The following MYO1B variants were observed in gnomAD, a reference collection of about 807,000 sequenced individuals.
MYO1B encodes unconventional myosin-Ib.
Under a neutral mutation model 159.7 loss-of-function variants are expected in MYO1B, and 72 were observed. The ratio of observed to expected loss-of-function variants is 0.45; its 90% CI spans 0.37 to 0.55. The LOEUF is 0.55. Among genes scored for constraint, MYO1B ranks in the 20% least tolerant of loss-of-function variants. The pLI, the probability that MYO1B is intolerant of heterozygous loss-of-function variation, is 0.00. For synonymous variants in MYO1B, 468 were observed against 473.8 expected, an observed-to-expected ratio of 0.99 and a Z score of 0.16; for missense variants, 1,062 against 1,364.8, an observed-to-expected ratio of 0.78 and a Z score of 3.50.
chr2:191,417,823 G>A (rs1373075313), intron 30 of MYO1B, among the ~76,000 whole-genome samples: 4 of 152,232 alleles, frequency 2.6e-5, no homozygotes, highest in African/African-American at 9.6e-5. Context: ...GCTTTGCGGG[G>A]ATAGCGTGTG....
intron 1 of MYO1B, among the ~76,000 whole-genome samples, chr2:191,267,925 C>T (rs1005160163): frequency 3.3e-5 from 5 of 152,156 alleles, no homozygotes; most frequent in African/African-American, 1.2e-4. Flanking sequence ...TGGAAACCGT[C>T]CTGGACAGAA....
At chr2:191,316,195 C>A (rs1478242382) in intron 3 of MYO1B, among the ~76,000 whole-genome samples, 1 of 152,164 alleles carries the variant, frequency 6.6e-6, no homozygotes, top group Non-Finnish European at 1.5e-5. Flanking sequence ...TTAGAGTACA[C>A]AATTTCCACT....
rs948591937 is a variant in MYO1B, at chr2:191,370,729, G to T, written c.1185+437G>T. On this transcript the variant is annotated intron_variant, in intron 13 of 30. Transcript: ENST00000392318. ...CATAAAGAAAGCCACAGGAGGGCTG[G>T]ACATAGGTTCTGGCCTTGCCAGGGC... 2.0e-5 allele frequency among the ~76,000 whole-genome samples: 3 copies of T among 152,254 alleles called. No individual in the cohort carries two copies. The South Asian group carries it at 6.2e-4, about 32-fold the overall frequency.
intron 2 of MYO1B, among the ~76,000 whole-genome samples, chr2:191,293,586 A>C (rs1353307269): frequency 6.6e-6 from 1 of 152,186 alleles, no homozygotes; most frequent in African/African-American, 2.4e-5. Context: ...CATATAGGGT[A>C]CCTTCCTGAT....
chr2:191,329,143 G>A (rs1691294325), intron 3 of MYO1B, among the ~76,000 whole-genome samples: 1 of 152,046 alleles, frequency 6.6e-6, no homozygotes, highest in Non-Finnish European at 1.5e-5. Flanking sequence ...TTTTCAATTA[G>A]CTAGAAGGGG....
Position 191,260,254 on chromosome 2 carries a change from C to CTTTTTTTTTTTTTTTT in MYO1B, c.-10+14641_-10+14642insTTTTTTTTTTTTTTTT, listed in dbSNP as rs57237733. 1.2e-3 allele frequency among the ~76,000 whole-genome samples: 71 copies of CTTTTTTTTTTTTTTTT among 60,980 alleles called. 3 individuals are homozygous for CTTTTTTTTTTTTTTTT. The highest frequency in any genetic ancestry group is 2.2e-3 in the African/African-American group (60 of 27,420). 40.0% of individuals were successfully genotyped at this position (60,980 alleles called of 152,430 possible). On this transcript the variant is annotated intron_variant, in intron 1 of 30. Transcript: ENST00000392318. ...TAATATTACTTTTTTCCCAGATAGG[C>CTTTTTTTTTTTTTTTT]TTTTTTTTTTTTTGAATTAAAGCTA...
At chr2:191,339,378 A>G (rs951375045) in intron 4 of MYO1B, among the ~76,000 whole-genome samples, 1 of 152,240 alleles carries the variant, frequency 6.6e-6, no homozygotes, top group Non-Finnish European at 1.5e-5. Context: ...GACAGCCTGA[A>G]TGGTGTAACA....
chr2:191,326,819 C>T (rs1167436382), intron 3 of MYO1B, among the ~76,000 whole-genome samples: 5 of 125,712 alleles, frequency 4.0e-5, no homozygotes, highest in East Asian at 2.7e-4. Context: ...TGTGTGTGCG[C>T]GCGCCATATA....
intron 1 of MYO1B, among the ~76,000 whole-genome samples, chr2:191,269,587 G>T (rs1311151796): frequency 1.3e-5 from 2 of 152,182 alleles, no homozygotes; most frequent in Admixed American, 1.3e-4. Flanking sequence ...GAATCATAAT[G>T]CTGGCTGAAA....
intron 20 of MYO1B, among the ~76,000 whole-genome samples, chr2:191,395,668 C>A (rs1023019567): frequency 6.6e-6 from 1 of 152,226 alleles, no homozygotes; most frequent in Non-Finnish European, 1.5e-5. Flanking sequence ...GGCCTCTGGG[C>A]ATTGAGCTTG....
chr2:191,297,603 G>A (rs1479703439), intron 3 of MYO1B, among the ~76,000 whole-genome samples: 1 of 152,146 alleles, frequency 6.6e-6, no homozygotes, highest in Non-Finnish European at 1.5e-5. Context: ...AAATACATGT[G>A]CATGTAGATA....
rs573991896 is a variant in MYO1B at position 191,320,177 on chromosome 2, C to A, written c.252-9758C>A. On this transcript the variant is annotated intron_variant, in intron 3 of 30. Transcript: ENST00000392318. ...AGGTTTTGTTGTTGTTTTCAACAGG[C>A]AACACGGACCAGATGACTTGTCCTC... 2.0e-5 allele frequency among the ~76,000 whole-genome samples: 3 copies of A among 152,258 alleles called. No individual in the cohort carries two copies. In the South Asian group the frequency reaches 6.2e-4, roughly 32 times the overall value.
At chr2:191,357,204 A>T (rs1693349079) in intron 7 of MYO1B, among the ~76,000 whole-genome samples, 2 of 152,120 alleles carry the variant, frequency 1.3e-5, no homozygotes, top group Admixed American at 1.3e-4. Flanking sequence ...AAAAAACTTC[A>T]TCCTCCAGTA....
intron 2 of MYO1B, among the ~76,000 whole-genome samples, chr2:191,279,096 A>G (rs970575200): frequency 1.3e-5 from 2 of 152,218 alleles, no homozygotes; most frequent in East Asian, 1.9e-4. Flanking sequence ...TTTCAGCTCT[A>G]TGTAATTTTA....
intron 7 of MYO1B, 78 bp from the exon 8 acceptor site, chr2:191,360,548 AAAAAG>A: frequency 1.2e-6 from 1 of 846,012 alleles, no homozygotes; most frequent in Non-Finnish European, 1.9e-6. Context: ...AATAGAAAGA[AAAAAG>A]AAAGTGAGAA....
At chr2:191,276,656 G>A (rs1687770639) in intron 1 of MYO1B, among the ~76,000 whole-genome samples, 1 of 152,118 alleles carries the variant, frequency 6.6e-6, no homozygotes, top group South Asian at 2.1e-4. Context: ...ACTTCACCAG[G>A]GAGGATGGAC....
intron 7 of MYO1B, among the ~76,000 whole-genome samples, chr2:191,353,120 A>T (rs1166058108): frequency 6.6e-6 from 1 of 152,218 alleles, no homozygotes; most frequent in East Asian, 1.9e-4. Flanking sequence ...TGAAAACTAC[A>T]TATCCCTGAG....
chr2:191,271,684 A>G (rs1687465537), intron 1 of MYO1B, among the ~76,000 whole-genome samples: 1 of 152,254 alleles, frequency 6.6e-6, no homozygotes, highest in Non-Finnish European at 1.5e-5. Flanking sequence ...GAGAACTTCA[A>G]ATTCAATGGA....
chr2:191,344,193 CA>C (rs1692410976), intron 5 of MYO1B, among the ~76,000 whole-genome samples: 1 of 152,172 alleles, frequency 6.6e-6, no homozygotes, highest in Non-Finnish European at 1.5e-5. Flanking sequence ...ACACCCACCA[CA>C]AAAGACTAGC....
Sources: gnomAD v4.1 joint callset for allele counts (sites outside exome capture counted in the v4.1 genomes callset) on GRCh38, gnomAD v4.1.1 for gene constraint, MANE v1.5 for transcripts, NCBI Gene and HGNC (gene_info 2026-07-23, HGNC 2026-07-21) for gene names.